Variants in CHD2 observed in about 807,000 individuals in gnomAD.
CHD2 encodes chromodomain helicase DNA binding protein 2.
Under a neutral mutation model 243.9 loss-of-function variants are expected in CHD2, and 28 were observed. The observed-to-expected ratio is 0.11, with a 90% confidence interval of 0.09 to 0.16. The LOEUF (loss-of-function observed/expected upper bound fraction) is 0.16. CHD2 is among the 10% of genes least tolerant of loss of function. The pLI is 1.00. For missense variants in CHD2, 1,386 were observed against 2,209.8 expected (o/e 0.63, Z 7.47); for synonymous variants, 775 against 779.0 (o/e 0.99, Z 0.09).
rs2141868751 is a variant in CHD2, at chr15:92,998,415, T to G, written c.3886-84T>G. 6.4e-7 allele frequency: 1 copy of G among 1,566,956 alleles called. No individual in the cohort carries two copies. Among genetic ancestry groups the G allele is most frequent in the South Asian group, 1.2e-5 (1 of 85,972 alleles). ...TGGTTGGGGAGGGAAAGGACTGTGC[T>G]CAGTTTTTGTTGTCTCTGTTTATCC... On this transcript the variant is annotated intron_variant, in intron 30 of 38. Coordinates refer to ENST00000394196, the MANE Select transcript of CHD2 (RefSeq NM_001271.4). The surrounding 1 kb of genome is among the most constrained non-coding windows in gnomAD (Gnocchi z 5.1).
At chr15:92,914,462 G>C (rs2141722682) in intron 2 of CHD2, among the ~76,000 whole-genome samples, 1 of 152,322 alleles carries the variant, frequency 6.6e-6, no homozygotes, top group East Asian at 1.9e-4. Flanking sequence ...ATAGTTTGGT[G>C]CTATGGAAAC....
chr15:92,918,691 A>G (rs556785449), intron 2 of CHD2, among the ~76,000 whole-genome samples: 1 of 152,176 alleles, frequency 6.6e-6, no homozygotes, highest in African/African-American at 2.4e-5. Context: ...ATTTACTATT[A>G]TAATTATTAG....
At position 92,927,348 on chromosome 15, in the gene CHD2, T is replaced by C. The variant is rs1329064548; in HGVS notation, c.381+18T>C. ...AGGAAGAGGTAAGGAAAAAATGTTT[T>C]AAGGGCATGCATTTAAACTCCCTAT... On this transcript the variant is annotated intron_variant, in intron 4 of 38. Coordinates refer to ENST00000394196, the MANE Select transcript of CHD2 (RefSeq NM_001271.4). The C allele has an allele frequency of 6.3e-7, 1 of 1,575,114 alleles. No individual in the cohort carries two copies. The highest frequency in any genetic ancestry group is 8.7e-7 in the Non-Finnish European group (1 of 1,144,856).
chr15:93,005,520 G>A (rs1276476272), intron 34 of CHD2, among the ~76,000 whole-genome samples: 3 of 152,026 alleles, frequency 2.0e-5, no homozygotes, highest in East Asian at 3.9e-4. Context: ...TTAATCAAAC[G>A]GCTCATTCAG....
chr15:92,952,651 A>C (rs1003411891), intron 13 of CHD2, among the ~76,000 whole-genome samples: 10 of 152,346 alleles, frequency 6.6e-5, no homozygotes, highest in African/African-American at 2.4e-4. Context: ...GGAGCGGCTG[A>C]AAATACATAT....
chr15:92,985,410 C>A, intron 25 of CHD2, 88 bp from the exon 26 acceptor site: 1 of 1,330,892 alleles, frequency 7.5e-7, no homozygotes, highest in African/African-American at 1.5e-5. Context: ...GTTCTGAATA[C>A]TAAAGAATTA....
chr15:92,951,352 G>A (rs774475279), intron 13 of CHD2, among the ~76,000 whole-genome samples: 2 of 152,006 alleles, frequency 1.3e-5, no homozygotes, highest in Admixed American at 1.3e-4. Flanking sequence ...TGTATTTTTA[G>A]TAGAGACGGG....
At chr15:93,004,512 A>G (rs1172493566) in intron 33 of CHD2, 105 bp from the exon 34 acceptor site, 7 of 1,058,398 alleles carry the variant, frequency 6.6e-6, no homozygotes, top group African/African-American at 1.6e-5. Flanking sequence ...ATAAACTGAG[A>G]CCATCATATT....
intron 3 of CHD2, among the ~76,000 whole-genome samples, 199 bp from the exon 4 acceptor site, chr15:92,927,045 A>G (rs1208093503): frequency 6.6e-6 from 1 of 152,196 alleles, no homozygotes; most frequent in African/African-American, 2.4e-5. Context: ...TTAAGTAATG[A>G]AGACATTGTT....
chr15:92,900,494 T>G lies in CHD2; in HGVS notation c.-402T>G, dbSNP rs1206701494. 2 of 398,598 alleles carry G rather than the reference T, an allele frequency of 5.0e-6. No homozygotes were observed. Among genetic ancestry groups the G allele is most frequent in the African/African-American group, 2.1e-5 (1 of 48,598 alleles). The allele number at this position is 398,598 out of a possible 1,614,324, so 24.7% of individuals were successfully genotyped here. ...TACTGGGGTCGATTCGAACCTTTTT[T>G]TGGGAGAAAAGCAGCTTTTAGGAGC... On this transcript the variant is annotated 5_prime_UTR_variant, in exon 1 of 39. Transcript: ENST00000394196.
intron 14 of CHD2, chr15:92,954,035 A>G (rs192206301): frequency 2.6e-5 from 4 of 156,392 alleles, no homozygotes; most frequent in African/African-American, 9.6e-5. Context: ...CTATTTTAGG[A>G]CTGTAGAAAT....
At chr15:92,992,757 G>T in intron 27 of CHD2, 102 bp from the exon 28 acceptor site, 1 of 1,436,944 alleles carries the variant, frequency 7.0e-7, no homozygotes. Flanking sequence ...AAAGAAAAGT[G>T]TCTTTGCAGG....
chr15:93,016,205 AC>A (rs2054458509), intron 37 of CHD2, among the ~76,000 whole-genome samples: 1 of 152,256 alleles, frequency 6.6e-6, no homozygotes, highest in Non-Finnish European at 1.5e-5. Context: ...GTTCGCAACA[AC>A]ATGGTTGAAT....
At chr15:92,981,256 T>C (rs1596432304) in intron 23 of CHD2, 109 bp from the exon 24 acceptor site, 1 of 689,066 alleles carries the variant, frequency 1.5e-6, no homozygotes, top group Non-Finnish European at 2.5e-6. Context: ...GAAAGGAGAA[T>C]TGGTTTATTT....
intron 38 of CHD2, among the ~76,000 whole-genome samples, chr15:93,023,389 T>C (rs902807017): frequency 1.3e-5 from 2 of 152,248 alleles, no homozygotes; most frequent in African/African-American, 4.8e-5. Flanking sequence ...TGTGGATATA[T>C]ACCACATTTT....
chr15:92,953,347 C>T lies in CHD2; in HGVS notation c.1503-10C>T, dbSNP rs780205518. On this transcript the variant is annotated splice_polypyrimidine_tract_variant and intron_variant, in intron 13 of 38. Coordinates refer to ENST00000394196, the MANE Select transcript of CHD2 (RefSeq NM_001271.4). ...ATTTTTTTGTTTTTATTTATTTTTT[C>T]TTTCTGCAGAAATAATAGTGTAATC... 3 of 1,605,480 alleles carry T rather than the reference C, an allele frequency of 1.9e-6. No individual in the cohort carries two copies. The highest frequency in any genetic ancestry group is 1.1e-5 in the South Asian group (1 of 89,338).
rs74838597 is a variant in CHD2 at position 92,972,986 on chromosome 15, A to G, written c.2505+569A>G. Among the ~76,000 whole-genome samples the G allele has an allele frequency of 2.9e-3, 448 of 152,260 alleles. 1 individual carries two copies. Among genetic ancestry groups the G allele is most frequent in the Middle Eastern group, 0.01 (3 of 294 alleles). On this transcript the variant is annotated intron_variant, in intron 19 of 38. Coordinates refer to ENST00000394196, the MANE Select transcript of CHD2 (RefSeq NM_001271.4). ...GGGTGGGGAGGATTAGAGAAAGTCA[A>G]ACGGGGCAAGATAAAAAAAGGATGT...
Position 92,981,373 on chromosome 15 carries a change from T to C in CHD2, c.2982T>C (p.Asp994=), listed in dbSNP as rs372974686. ...EGEESEPQEM[D]IDEILRLAET... is the part of the protein sequence containing the mutation. ...GGCTTTTGTTCTTTTAGGAAATGGA[T>C]ATAGATGAAATTTTGCGGTTGGCTG... The change falls in exon 24 of 39, where the codon GAT becomes GAC. Residue 994 remains aspartate, a synonymous_variant. Transcript: ENST00000394196. 9.3e-6 allele frequency: 15 copies of C among 1,613,128 alleles called. No individual in the cohort carries two copies. The African/African-American group carries it at 1.9e-4, about 20-fold the overall frequency.
chr15:92,952,523 G>C (rs1450703434), intron 13 of CHD2, among the ~76,000 whole-genome samples: 1 of 152,216 alleles, frequency 6.6e-6, no homozygotes, highest in East Asian at 1.9e-4. Context: ...CTCATAAGGA[G>C]TGTGCAACGT....
Sources: gnomAD v4.1 joint callset for allele counts (sites outside exome capture counted in the v4.1 genomes callset) on GRCh38, gnomAD v4.1.1 for gene constraint, Gnocchi (gnomAD v3.1) non-coding constraint, MANE v1.5 for transcripts, NCBI Gene and HGNC (gene_info 2026-07-23, HGNC 2026-07-21) for gene names.